Variants in WHRN observed in about 807,000 individuals in gnomAD.
The protein encoded by WHRN is whirlin.
WHRN carries 41 observed loss-of-function variants against 68.3 expected under a neutral mutation model. The ratio of observed to expected loss-of-function variants is 0.60; its 90% CI spans 0.47 to 0.78. WHRN has a LOEUF of 0.78. Ranked by LOEUF, WHRN falls within the 30% of genes least tolerant of loss-of-function variation. WHRN has a pLI of 0.00. For synonymous variants in WHRN, 560 were observed against 561.3 expected, an observed-to-expected ratio of 1.00 and a Z score of 0.03; for missense variants, 1,243 against 1,244.7, an observed-to-expected ratio of 1.00 and a Z score of 0.02.
At chr9:114,456,660 T>C (rs1839827158) in intron 3 of WHRN, among the ~76,000 whole-genome samples, 1 of 152,042 alleles carries the variant, frequency 6.6e-6, no homozygotes, top group Non-Finnish European at 1.5e-5. Context: ...AGACCCAGTC[T>C]TTACTAAAAA....
At chr9:114,491,360 A>C (rs1376509424) in intron 1 of WHRN, among the ~76,000 whole-genome samples, 2 of 151,232 alleles carry the variant, frequency 1.3e-5, no homozygotes, top group Admixed American at 1.3e-4. Flanking sequence ...TCTGAAAAAT[A>C]ATGATAGATT....
chr9:114,463,225 T>C (rs1311561262), intron 3 of WHRN, among the ~76,000 whole-genome samples: 1 of 152,212 alleles, frequency 6.6e-6, no homozygotes, highest in Admixed American at 6.5e-5. Flanking sequence ...TCACTCTCTG[T>C]GTTGGCTGCC....
At chr9:114,446,369 C>T (rs750285646) in intron 3 of WHRN, among the ~76,000 whole-genome samples, 1 of 151,950 alleles carries the variant, frequency 6.6e-6, no homozygotes, top group Non-Finnish European at 1.5e-5. Context: ...GTGATGACTT[C>T]GTGGGTACAG....
At chr9:114,421,182 C>T (rs373204979) in intron 7 of WHRN, among the ~76,000 whole-genome samples, 24 of 152,340 alleles carry the variant, frequency 1.6e-4, no homozygotes, top group African/African-American at 5.1e-4. Context: ...TTGCCTTCCC[C>T]AGGGTGCCCC....
intron 3 of WHRN, among the ~76,000 whole-genome samples, chr9:114,453,421 G>C (rs1303554276): frequency 6.6e-6 from 1 of 152,172 alleles, no homozygotes; most frequent in African/African-American, 2.4e-5. Flanking sequence ...ATGAGATTCG[G>C]AGAGGACAAA....
chr9:114,477,480 G>C (rs965058875), intron 2 of WHRN, among the ~76,000 whole-genome samples: 2 of 152,052 alleles, frequency 1.3e-5, no homozygotes, highest in Non-Finnish European at 2.9e-5. Flanking sequence ...GGGTCAGGAG[G>C]GCTCCATAGG....
At chr9:114,460,736 C>T (rs1375559057) in intron 3 of WHRN, among the ~76,000 whole-genome samples, 1 of 152,202 alleles carries the variant, frequency 6.6e-6, no homozygotes, top group African/African-American at 2.4e-5. Flanking sequence ...AGACTCAAAC[C>T]AGGCCCTTCA....
chr9:114,470,070 C>T (rs938437500), intron 2 of WHRN, among the ~76,000 whole-genome samples: 3 of 152,216 alleles, frequency 2.0e-5, no homozygotes, highest in Admixed American at 6.5e-5. Context: ...AAGACCATCA[C>T]GTACTCACAT....
chr9:114,404,237 A>T (rs970735146), intron 9 of WHRN, among the ~76,000 whole-genome samples, 160 bp from the exon 10 acceptor site: 2 of 151,558 alleles, frequency 1.3e-5, no homozygotes, highest in Admixed American at 1.3e-4. Context: ...GGGCAGGTCC[A>T]CTCCCTGCCA....
Position 114,423,314 on chromosome 9 carries a change from C to G in WHRN, c.1626G>C (p.Arg542Ser). ...HGTSTTVSSA[R>S]NTLDLEETGE... ...CAGGGACAAGGCAGAAGAAGCTCAC[C>G]CTGGCCGAGCTGACGGTGGTGGAGG... Residue 542 changes from arginine (R) to serine (S), a missense_variant and splice_region_variant, in exon 7 of 12, where the codon AGG (arginine) becomes AGC (serine). Physicochemically the swap from Arg to Ser is moderately radical, Grantham distance 110. Transcript: ENST00000362057. 3 of 1,613,882 alleles carry G rather than the reference C, an allele frequency of 1.9e-6. No homozygotes were observed. Among genetic ancestry groups the G allele is most frequent in the Non-Finnish European group, 2.5e-6 (3 of 1,179,890 alleles).
At chr9:114,464,191 A>G (rs551627359) in intron 3 of WHRN, among the ~76,000 whole-genome samples, 15 of 152,348 alleles carry the variant, frequency 9.8e-5, no homozygotes, top group African/African-American at 3.1e-4. Context: ...CAAACAAGTT[A>G]ATGACATAAA....
intron 2 of WHRN, among the ~76,000 whole-genome samples, chr9:114,466,825 G>A (rs1229858494): frequency 6.6e-6 from 1 of 152,096 alleles, no homozygotes; most frequent in Non-Finnish European, 1.5e-5. Flanking sequence ...TCAAGGCTCA[G>A]GCCAGGTCAC....
At chr9:114,432,188 G>A (rs1837479581) in intron 3 of WHRN, among the ~76,000 whole-genome samples, 3 of 152,302 alleles carry the variant, frequency 2.0e-5, no homozygotes, top group African/African-American at 7.2e-5. Flanking sequence ...AGCCCACTGA[G>A]TGACTGGCTC....
At chr9:114,436,551 C>T (rs928336131) in intron 3 of WHRN, among the ~76,000 whole-genome samples, 15 of 152,002 alleles carry the variant, frequency 9.9e-5, no homozygotes, top group Non-Finnish European at 1.3e-4. Flanking sequence ...TCTATTGGTC[C>T]GGCGCAGTGG....
At chr9:114,426,478 C>A (rs1836872240) in intron 3 of WHRN, 65 bp from the exon 4 acceptor site, 10 of 1,579,002 alleles carry the variant, frequency 6.3e-6, no homozygotes, top group Non-Finnish European at 8.7e-6. Context: ...AGGGACTTCA[C>A]AGCCCAGATC....
At chr9:114,492,789 C>T (rs1218315137) in intron 1 of WHRN, among the ~76,000 whole-genome samples, 1 of 151,882 alleles carries the variant, frequency 6.6e-6, no homozygotes, top group African/African-American at 2.4e-5. Context: ...AGCTCACGAC[C>T]AGCCTGCGCA....
intron 3 of WHRN, among the ~76,000 whole-genome samples, chr9:114,450,824 T>A (rs12346970): frequency 2.7e-4 from 33 of 122,154 alleles, no homozygotes; most frequent in Non-Finnish European, 4.1e-4. Context: ...TTATTATTAG[T>A]TTCCCCCCCC....
chr9:114,436,038 GAA>G (rs1484667913), intron 3 of WHRN, among the ~76,000 whole-genome samples: 1 of 152,174 alleles, frequency 6.6e-6, no homozygotes, highest in Non-Finnish European at 1.5e-5. Context: ...GCTTTTGTTA[GAA>G]AAGTCAGCAA....
intron 1 of WHRN, among the ~76,000 whole-genome samples, chr9:114,498,341 CAGGTAGGGGT>C (rs1295058463): frequency 2.0e-5 from 3 of 152,094 alleles, no homozygotes; most frequent in African/African-American, 7.2e-5. Flanking sequence ...GAGGAGTGGG[CAGGTAGGGGT>C]ACTACTTCAG....
Sources: gnomAD v4.1 joint callset for allele counts (sites outside exome capture counted in the v4.1 genomes callset) on GRCh38, gnomAD v4.1.1 for gene constraint, MANE v1.5 for transcripts, NCBI Gene and HGNC (gene_info 2026-07-23, HGNC 2026-07-21) for gene names.